The following PTPRT variants were observed in gnomAD, a reference collection of about 807,000 sequenced individuals.
PTPRT encodes protein tyrosine phosphatase receptor type T.
Under a neutral mutation model 176.8 loss-of-function variants are expected in PTPRT, and 56 were observed. That is an observed-to-expected ratio of 0.32 (90% CI 0.26 to 0.40). PTPRT has a LOEUF of 0.40. PTPRT is among the 10% of genes least tolerant of loss of function. The pLI is 1.00. For synonymous variants in PTPRT, 783 were observed against 739.0 expected (o/e 1.06, Z -0.96); for missense variants, 1,540 against 1,908.2 (o/e 0.81, Z 3.60).
chr20:42,735,185 AG>A lies in PTPRT; in HGVS notation c.859+21276del, dbSNP rs548871401. Among the ~76,000 whole-genome samples, 689 of 152,294 alleles carry A rather than the reference AG, an allele frequency of 4.5e-3. 6 individuals carry two copies. Among genetic ancestry groups the A allele is most frequent in the African/African-American group, 0.016 (667 of 41,556 alleles). Reference sequence around the variant, plus strand: ...TTGGGTTGGATGAGACACAGTTTGGAGGGCTGCTACTTGGGAATGGCCCTGG... The same window carrying A: ...TTGGGTTGGATGAGACACAGTTTGGAGGCTGCTACTTGGGAATGGCCCTGG... On this transcript the variant is annotated intron_variant, in intron 6 of 30. Transcript: ENST00000373187.
chr20:43,148,344 A>G (rs1568812834), intron 1 of PTPRT, among the ~76,000 whole-genome samples: 1 of 151,436 alleles, frequency 6.6e-6, no homozygotes, highest in Non-Finnish European at 1.5e-5. Flanking sequence ...ATGTCTCCCT[A>G]CTCCTTTCAA....
chr20:42,116,304 C>T (rs924712518), intron 21 of PTPRT, among the ~76,000 whole-genome samples: 1 of 152,150 alleles, frequency 6.6e-6, no homozygotes, highest in Admixed American at 6.5e-5. Flanking sequence ...ATTTCCCAAA[C>T]GTATTTAACC....
Position 42,217,172 on chromosome 20 carries a change from G to C in PTPRT, c.2343-17784C>G, listed in dbSNP as rs886208668. 7.9e-5 allele frequency among the ~76,000 whole-genome samples: 12 copies of C among 152,096 alleles called. No individual in the cohort carries two copies. The East Asian group carries it at 1.5e-3, about 20-fold the overall frequency. ...GTGGATCACCTGAGGACAGGAGTTC[G>C]AGACCAGCCTGGCCAACATGGCGAA... On this transcript the variant is annotated intron_variant, in intron 15 of 30. Coordinates refer to ENST00000373187, the MANE Select transcript of PTPRT (RefSeq NM_007050.6).
At position 42,186,519 on chromosome 20, in the gene PTPRT, GA is replaced by G. The variant is rs1202847382; in HGVS notation, c.2491+12720del. On this transcript the variant is annotated intron_variant, in intron 16 of 30. Transcript: ENST00000373187. ...TGACAAAGTTTAAGTACTGTGAGAA[GA>G]TTATGGTGTCACGGAGCTCACAGAG... Among the ~76,000 whole-genome samples the G allele has an allele frequency of 2.6e-5, 4 of 151,896 alleles. No individual in the cohort carries two copies. The East Asian group carries it at 7.9e-4, about 30-fold the overall frequency.
rs542548282 is a variant in PTPRT, at chr20:42,771,167, C to A, written c.684+268G>T. Among the ~76,000 whole-genome samples, 40 of 152,252 alleles carry A rather than the reference C, an allele frequency of 2.6e-4. No homozygotes were observed. The South Asian group carries it at 8.1e-3, about 31-fold the overall frequency. ...ATGAGACACATCCCGCCAGACAAGT[C>A]CCAGGCCTAACCATCTGACCCCAGG... is the stretch of plus-strand genomic sequence containing the variant. On this transcript the variant is annotated intron_variant, in intron 5 of 30. Coordinates refer to ENST00000373187, the MANE Select transcript of PTPRT (RefSeq NM_007050.6).
At chr20:42,706,187 G>C (rs560319952) in intron 6 of PTPRT, among the ~76,000 whole-genome samples, 3 of 87,252 alleles carry the variant, frequency 3.4e-5, no homozygotes, top group African/African-American at 1.4e-4. Context: ...GTTTGTGTGT[G>C]TGTGTGTGTG....
At position 42,558,820 on chromosome 20, in the gene PTPRT, G is replaced by A. The variant is rs934228058; in HGVS notation, c.1154-86258C>T. Reference sequence around the variant, plus strand: ...AAAGTGTTGCTCCATGCCAGCTTGTGGCTGATGCAAAGCTAGCTGGCCAGA... The same window carrying A: ...AAAGTGTTGCTCCATGCCAGCTTGTAGCTGATGCAAAGCTAGCTGGCCAGA... On this transcript the variant is annotated intron_variant, in intron 7 of 30. Coordinates refer to ENST00000373187, the MANE Select transcript of PTPRT (RefSeq NM_007050.6). 5.3e-5 allele frequency among the ~76,000 whole-genome samples: 8 copies of A among 152,182 alleles called. No individual in the cohort carries two copies. The South Asian group carries it at 1.5e-3, about 28-fold the overall frequency.
At chr20:42,636,653 C>T (rs935318297) in intron 7 of PTPRT, among the ~76,000 whole-genome samples, 6 of 151,870 alleles carry the variant, frequency 4.0e-5, no homozygotes, top group African/African-American at 7.3e-5. Context: ...GGCATGGTGA[C>T]GCATGCTTGT....
At chr20:42,793,952 A>G (rs1267084350) in intron 2 of PTPRT, among the ~76,000 whole-genome samples, 1 of 152,142 alleles carries the variant, frequency 6.6e-6, no homozygotes, top group African/African-American at 2.4e-5. Context: ...TGATACCCGC[A>G]TGCACATTTC....
intron 7 of PTPRT, among the ~76,000 whole-genome samples, chr20:42,586,771 T>G (rs552151172): frequency 1.3e-5 from 2 of 152,334 alleles, no homozygotes; most frequent in African/African-American, 4.8e-5. Flanking sequence ...TGTCATTCAT[T>G]TCTACAGCTG....
chr20:42,769,934 T>C (rs1375486933), intron 5 of PTPRT, among the ~76,000 whole-genome samples: 2 of 152,186 alleles, frequency 1.3e-5, no homozygotes, highest in East Asian at 1.9e-4. Flanking sequence ...AGAAAGCAGA[T>C]TGGCGGTTGC....
At chr20:42,895,701 A>C (rs904669860) in intron 1 of PTPRT, among the ~76,000 whole-genome samples, 1 of 152,168 alleles carries the variant, frequency 6.6e-6, no homozygotes, top group Non-Finnish European at 1.5e-5. Context: ...TTAGCACTGC[A>C]TGTTGCATTT....
intron 7 of PTPRT, among the ~76,000 whole-genome samples, chr20:42,627,589 A>G (rs1345904811): frequency 6.6e-6 from 1 of 151,992 alleles, no homozygotes. Flanking sequence ...CTGTTTCTAA[A>G]CTAATAATTA....
At chr20:42,976,234 TG>T (rs1568712460) in intron 1 of PTPRT, among the ~76,000 whole-genome samples, 1 of 152,138 alleles carries the variant, frequency 6.6e-6, no homozygotes, top group African/African-American at 2.4e-5. Context: ...CAGGGAGCCC[TG>T]CATATCATCA....
At chr20:42,923,328 T>G (rs2145957579) in intron 1 of PTPRT, among the ~76,000 whole-genome samples, 1 of 152,264 alleles carries the variant, frequency 6.6e-6, no homozygotes, top group East Asian at 1.9e-4. Context: ...TAAAGAACAC[T>G]GTATACTCAG....
At chr20:42,718,821 G>A (rs1194507380) in intron 6 of PTPRT, among the ~76,000 whole-genome samples, 1 of 152,008 alleles carries the variant, frequency 6.6e-6, no homozygotes, top group Non-Finnish European at 1.5e-5. Context: ...GTCTTTTCCT[G>A]CATTTTTATT....
At chr20:43,133,279 A>T (rs2185591) in intron 1 of PTPRT, among the ~76,000 whole-genome samples, 1 of 152,038 alleles carries the variant, frequency 6.6e-6, no homozygotes, top group African/African-American at 2.4e-5. Flanking sequence ...ATGCATTTAT[A>T]CTTCCTTTCC....
chr20:42,506,872 C>A (rs1456103733), intron 7 of PTPRT, among the ~76,000 whole-genome samples: 1 of 152,128 alleles, frequency 6.6e-6, no homozygotes, highest in East Asian at 1.9e-4. Flanking sequence ...TGACCAGAGG[C>A]TATGCCTGTG....
intron 1 of PTPRT, among the ~76,000 whole-genome samples, chr20:43,107,356 G>A (rs1365890576): frequency 6.6e-6 from 1 of 152,132 alleles, no homozygotes; most frequent in Non-Finnish European, 1.5e-5. Context: ...AGGCAGCAAG[G>A]AAAAGAAGAA....
Sources: gnomAD v4.1 joint callset for allele counts (sites outside exome capture counted in the v4.1 genomes callset) on GRCh38, gnomAD v4.1.1 for gene constraint, MANE v1.5 for transcripts, NCBI Gene and HGNC (gene_info 2026-07-23, HGNC 2026-07-21) for gene names.